The following MBNL2 variants were observed in gnomAD, a reference collection of about 807,000 sequenced individuals.
MBNL2 encodes muscleblind like splicing regulator 2, also known as muscleblind-like protein 2.
MBNL2 carries 17 observed loss-of-function variants against 41.9 expected under a neutral mutation model. That is an observed-to-expected ratio of 0.41 (90% CI 0.28 to 0.61). MBNL2 has a LOEUF of 0.61. MBNL2 is among the 20% of genes least tolerant of loss of function. MBNL2 has a pLI of 0.35. For missense variants in MBNL2, 336 were observed against 505.6 expected, an observed-to-expected ratio of 0.66 and a Z score of 3.22; for synonymous variants, 195 against 182.9, an observed-to-expected ratio of 1.07 and a Z score of -0.53.
chr13:97,224,817 C>T (rs2041356484), intron 1 of MBNL2, among the ~76,000 whole-genome samples: 2 of 152,152 alleles, frequency 1.3e-5, no homozygotes, highest in Admixed American at 1.3e-4. Flanking sequence ...GATACTTTTT[C>T]TTAGTTCAAC....
At chr13:97,307,314 T>C (rs1183189203) in intron 2 of MBNL2, among the ~76,000 whole-genome samples, 1 of 152,094 alleles carries the variant, frequency 6.6e-6, no homozygotes, top group African/African-American at 2.4e-5. Context: ...CTTCCATTGA[T>C]TTTTCCACTG....
chr13:97,270,627 C>T (rs1234539634), intron 1 of MBNL2, among the ~76,000 whole-genome samples: 1 of 152,180 alleles, frequency 6.6e-6, no homozygotes, highest in African/African-American at 2.4e-5. Context: ...TCACTAGCCA[C>T]AATTCAGGTG....
chr13:97,366,310 T>C lies in MBNL2; in HGVS notation c.1048+1139T>C. On this transcript the variant is annotated intron_variant, in intron 8 of 8. Transcript: ENST00000679496. The surrounding 1 kb of genome is among the most constrained non-coding windows in gnomAD (Gnocchi z 4.7). ...TCCCTTTTTTATTTCTCTCCCATGC[T>C]TCCTTGCTTTGCATTGTGATTGCAT... 1.8e-6 allele frequency: 1 copy of C among 569,456 alleles called. No individual in the cohort carries two copies. Among genetic ancestry groups the C allele is most frequent in the South Asian group, 3.1e-5 (1 of 32,056 alleles). 35.3% of individuals were successfully genotyped at this position (569,456 alleles called of 1,614,324 possible). A position where few individuals can be genotyped will look rare whatever the true frequency, so the allele number is the denominator to read the frequency against.
chr13:97,147,015 T>C, the MBNL2 span, among the ~76,000 whole-genome samples: 5 of 152,164 alleles, frequency 3.3e-5, no homozygotes, highest in Non-Finnish European at 5.9e-5. Flanking sequence ...GTCAACAGTA[T>C]CTGGAAGAGA....
At chr13:97,207,960 G>A in the MBNL2 span, among the ~76,000 whole-genome samples, 88 of 152,310 alleles carry the variant, frequency 5.8e-4, no homozygotes, top group East Asian at 0.012. Context: ...TTAAAGTTCC[G>A]AAATGATCTC....
intron 2 of MBNL2, among the ~76,000 whole-genome samples, chr13:97,311,831 C>G (rs1298933592): frequency 6.6e-6 from 1 of 152,156 alleles, no homozygotes; most frequent in African/African-American, 2.4e-5. Flanking sequence ...CCTCCTAAGC[C>G]TCCTCTTCGG....
intron 1 of MBNL2, among the ~76,000 whole-genome samples, chr13:97,264,435 A>G (rs960585344): frequency 2.6e-5 from 4 of 152,178 alleles, no homozygotes; most frequent in Non-Finnish European, 5.9e-5. Context: ...TACCCGTTAC[A>G]TTCATTACAG....
intron 1 of MBNL2, among the ~76,000 whole-genome samples, chr13:97,234,536 C>T (rs1307769360): frequency 2.6e-5 from 4 of 151,988 alleles, no homozygotes; most frequent in Non-Finnish European, 1.5e-5. Flanking sequence ...TAAAGTGTGG[C>T]GGGACAGATG....
At chr13:97,241,487 TATTTTCCAA>T (rs1258662665) in intron 1 of MBNL2, among the ~76,000 whole-genome samples, 1 of 152,236 alleles carries the variant, frequency 6.6e-6, no homozygotes, top group Non-Finnish European at 1.5e-5. Context: ...AGGTTTTCAA[TATTTTCCAA>T]ATCAAAGTAT....
chr13:97,384,745 A>T (rs1447552222), intron 8 of MBNL2, among the ~76,000 whole-genome samples: 1 of 152,214 alleles, frequency 6.6e-6, no homozygotes. Context: ...AATTTTGTTT[A>T]AAGAGGCAGT....
intron 2 of MBNL2, among the ~76,000 whole-genome samples, chr13:97,291,984 G>C (rs985211349): frequency 6.6e-6 from 1 of 151,074 alleles, no homozygotes; most frequent in Non-Finnish European, 1.5e-5. Context: ...GGGCGGATAA[G>C]GAGGTCAGGA....
intron 2 of MBNL2, among the ~76,000 whole-genome samples, chr13:97,293,521 A>G (rs1484630733): frequency 6.6e-6 from 1 of 152,202 alleles, no homozygotes; most frequent in Non-Finnish European, 1.5e-5. Flanking sequence ...AGGTTATATC[A>G]GCGTGCAGAT....
chr13:97,381,501 A>T (rs957237018), intron 8 of MBNL2, among the ~76,000 whole-genome samples: 10 of 151,886 alleles, frequency 6.6e-5, no homozygotes, highest in Non-Finnish European at 1.3e-4. Flanking sequence ...TGTTAAATCC[A>T]ACAAGATCTT....
chr13:97,365,270 G>A (rs2063758837), intron 8 of MBNL2, 99 bp downstream of exon 8: 2 of 855,068 alleles, frequency 2.3e-6, no homozygotes, highest in Non-Finnish European at 2.0e-6. Context: ...ATAGGAAATA[G>A]TAGATTTGAA....
At chr13:97,329,524 G>A (rs560255014) in intron 2 of MBNL2, among the ~76,000 whole-genome samples, 3 of 150,952 alleles carry the variant, frequency 2.0e-5, no homozygotes, top group Admixed American at 6.6e-5. Flanking sequence ...CCCCTTCTCT[G>A]CACTGGCCTT....
intron 1 of MBNL2, among the ~76,000 whole-genome samples, chr13:97,235,448 C>T (rs761036270): frequency 7.9e-5 from 12 of 152,150 alleles, no homozygotes; most frequent in Non-Finnish European, 1.3e-4. Context: ...GAAACATTGA[C>T]GACCAATAAC....
intron 1 of MBNL2, among the ~76,000 whole-genome samples, chr13:97,260,037 G>C (rs1414153039): frequency 1.3e-5 from 2 of 152,198 alleles, no homozygotes; most frequent in Non-Finnish European, 2.9e-5. Flanking sequence ...AAAATGCACA[G>C]ATAAACAAGT....
In MBNL2 at chr13:97,366,091, C is replaced by T. The variant is rs2063821728; in HGVS notation, c.1048+920C>T. Among the ~76,000 whole-genome samples, 1 of 152,182 alleles carries T rather than the reference C, an allele frequency of 6.6e-6. No individual in the cohort carries two copies. The highest frequency in any genetic ancestry group is 2.1e-4 in the South Asian group (1 of 4,834). ...AAGTGATGATCACATATTCTTACTTCACTGGACATCACCTTTCACAATTTT... is the reference window on the plus strand; with the variant it reads ...AAGTGATGATCACATATTCTTACTTTACTGGACATCACCTTTCACAATTTT... On this transcript the variant is annotated intron_variant, in intron 8 of 8. Transcript: ENST00000679496. This position sits in a 1 kb window ranked among gnomAD's most constrained non-coding sequence, Gnocchi z 4.7.
chr13:97,190,726 A>C, the MBNL2 span, among the ~76,000 whole-genome samples: 2 of 152,144 alleles, frequency 1.3e-5, no homozygotes, highest in Non-Finnish European at 2.9e-5. Context: ...TAAAGGGCTA[A>C]CTCCTGTGAG....
Sources: gnomAD v4.1 joint callset for allele counts (sites outside exome capture counted in the v4.1 genomes callset) on GRCh38, gnomAD v4.1.1 for gene constraint, Gnocchi (gnomAD v3.1) non-coding constraint, MANE v1.5 for transcripts, NCBI Gene and HGNC (gene_info 2026-07-23, HGNC 2026-07-21) for gene names.